Variants in EPS15 observed in about 807,000 individuals in gnomAD.
The protein encoded by EPS15 is epidermal growth factor receptor substrate 15.
Under a neutral mutation model 113.8 loss-of-function variants are expected in EPS15, and 72 were observed. That is an observed-to-expected ratio of 0.63 (90% CI 0.52 to 0.77). The LOEUF (loss-of-function observed/expected upper bound fraction) is 0.77, where lower values mean the gene tolerates loss of function less well. Among genes scored for constraint, EPS15 ranks in the 30% least tolerant of loss-of-function variants. The probability of loss-of-function intolerance (pLI) is 0.00; values close to 1 mark genes in which losing one functional copy is unlikely to be tolerated. For missense variants in EPS15, 1,048 were observed against 1,045.8 expected (o/e 1.00, Z -0.03); for synonymous variants, 344 against 363.4 (o/e 0.95, Z 0.61).
In EPS15 at chr1:51,355,232, AG is replaced by A; in HGVS notation, c.*1467del. Reference sequence around the variant, plus strand: ...AAACAAAACAAGCACCATTTCAAGAAGAAATGAATTGGATATTTTGGAATTT... The same window carrying A: ...AAACAAAACAAGCACCATTTCAAGAAAAATGAATTGGATATTTTGGAATTT... On this transcript the variant is annotated 3_prime_UTR_variant, in exon 25 of 25. Coordinates refer to ENST00000371733, the MANE Select transcript of EPS15 (RefSeq NM_001981.3). The A allele has an allele frequency of 4.5e-6, 1 of 220,330 alleles. No homozygotes were observed. The highest frequency in any genetic ancestry group is 9.1e-6 in the Non-Finnish European group (1 of 109,640). The allele number at this position is 220,330 out of a possible 1,614,324, so 13.6% of individuals were successfully genotyped here.
chr1:51,419,079 C>T (rs933012994), intron 13 of EPS15, among the ~76,000 whole-genome samples: 2 of 152,090 alleles, frequency 1.3e-5, no homozygotes, highest in Non-Finnish European at 2.9e-5. Flanking sequence ...ACTTTCTCCC[C>T]TTATGAAAAA....
At chr1:51,468,341 G>T in intron 5 of EPS15, 132 bp downstream of exon 5, 1 of 698,442 alleles carries the variant, frequency 1.4e-6, no homozygotes, top group Non-Finnish European at 2.6e-6. Context: ...GCCAGTAGGG[G>T]GAAAAAAGCC....
At chr1:51,496,358 G>A (rs955656051) in intron 1 of EPS15, among the ~76,000 whole-genome samples, 5 of 152,078 alleles carry the variant, frequency 3.3e-5, no homozygotes, top group Non-Finnish European at 7.4e-5. Flanking sequence ...TCTTTCATAT[G>A]AATTGTAACA....
At chr1:51,383,198 C>T (rs12092443) in intron 21 of EPS15, among the ~76,000 whole-genome samples, 9,614 of 152,212 alleles carry the variant, frequency 0.063, 963 homozygotes, top group African/African-American at 0.21. Context: ...GATAAAAACA[C>T]TCAACAAGCT....
chr1:51,492,810 C>T lies in EPS15; in HGVS notation c.34-11496G>A, dbSNP rs566431832. Among the ~76,000 whole-genome samples the T allele has an allele frequency of 2.6e-5, 4 of 152,300 alleles. No individual in the cohort carries two copies. The East Asian group carries it at 5.8e-4, about 22-fold the overall frequency. On this transcript the variant is annotated intron_variant, in intron 1 of 24. Coordinates refer to ENST00000371733, the MANE Select transcript of EPS15 (RefSeq NM_001981.3). ...AAAATCCTCTCACCTCCTTTGTAGC[C>T]CCTCAAATGGCAGCTGTCAGGTTTT...
chr1:51,436,449 T>C (rs1652158852), intron 12 of EPS15, among the ~76,000 whole-genome samples: 1 of 152,168 alleles, frequency 6.6e-6, no homozygotes, highest in African/African-American at 2.4e-5. Flanking sequence ...AAAAATTATT[T>C]TCTCATCTAT....
At chr1:51,473,870 T>C (rs1346424089) in intron 2 of EPS15, among the ~76,000 whole-genome samples, 1 of 152,190 alleles carries the variant, frequency 6.6e-6, no homozygotes, top group Non-Finnish European at 1.5e-5. Context: ...GGAAAAATCA[T>C]GCACTCAGCA....
rs536556029 is a variant in EPS15 at position 51,374,865 on chromosome 1, A to C, written c.2120-8836T>G. On this transcript the variant is annotated intron_variant, in intron 21 of 24. Transcript: ENST00000371733. Reference sequence around the variant, plus strand: ...ATTACAGGTGCATGCCACCATGCCCAGCTAATTTTTGAATTTTTAGTAGCC... The same window carrying C: ...ATTACAGGTGCATGCCACCATGCCCCGCTAATTTTTGAATTTTTAGTAGCC... Among the ~76,000 whole-genome samples, 590 of 150,992 alleles carry C rather than the reference A, an allele frequency of 3.9e-3. 2 individuals are homozygous for C. Among genetic ancestry groups the C allele is most frequent in the Non-Finnish European group, 7.1e-3 (484 of 67,700 alleles).
At chr1:51,394,935 GTAAC>G (rs1647778772) in intron 20 of EPS15, among the ~76,000 whole-genome samples, 1 of 152,148 alleles carries the variant, frequency 6.6e-6, no homozygotes, top group Non-Finnish European at 1.5e-5. Flanking sequence ...ACAGCTTACT[GTAAC>G]CTCAAACTCC....
At chr1:51,485,216 T>G (rs960662127) in intron 1 of EPS15, among the ~76,000 whole-genome samples, 5 of 152,212 alleles carry the variant, frequency 3.3e-5, no homozygotes, top group Admixed American at 6.5e-5. Context: ...ACTGTTAAAT[T>G]TTTAAGGATA....
At chr1:51,435,144 G>C (rs1326987743) in intron 12 of EPS15, among the ~76,000 whole-genome samples, 2 of 151,160 alleles carry the variant, frequency 1.3e-5, no homozygotes, top group African/African-American at 4.8e-5. Context: ...GTTCCTGTGA[G>C]GATTCAAAAA....
At chr1:51,468,767 G>A (rs976848116) in intron 4 of EPS15, among the ~76,000 whole-genome samples, 199 bp from the exon 5 acceptor site, 1 of 151,818 alleles carries the variant, frequency 6.6e-6, no homozygotes, top group African/African-American at 2.4e-5. Context: ...TTTATGAATC[G>A]CTAATAATAA....
chr1:51,409,630 C>A lies in EPS15; in HGVS notation c.1180G>T (p.Val394Leu). The change falls in exon 14 of 25, where the codon GTA (valine) becomes TTA (leucine). Residue 394 changes from valine (V) to leucine (L), a missense_variant. By Grantham distance (32) the Val-to-Leu change is conservative. Transcript: ENST00000371733. ...TCCAGTTCATCAAGGAGTTCCTGTA[C>A]CTGCTGTTTCTGGGCCTGTAGTTTT... ...LQKLQAQKQQ[V>L]QELLDELDEQ... 6.2e-7 allele frequency: 1 copy of A among 1,613,626 alleles called. No homozygotes were observed. The highest frequency in any genetic ancestry group is 8.5e-7 in the Non-Finnish European group (1 of 1,179,640).
Position 51,356,094 on chromosome 1 carries a change from G to A in EPS15, c.*606C>T, listed in dbSNP as rs190840506. On this transcript the variant is annotated 3_prime_UTR_variant, in exon 25 of 25. Coordinates refer to ENST00000371733, the MANE Select transcript of EPS15 (RefSeq NM_001981.3). ...TAATATTTTTAGTTAGGAAAAGATC[G>A]AATCTGAGGCTATAATGGTTCAACC... The A allele has an allele frequency of 1.5e-5, 3 of 204,154 alleles. No homozygotes were observed. The highest frequency in any genetic ancestry group is 2.3e-5 in the African/African-American group (1 of 43,760). The allele number at this position is 204,154 out of a possible 1,614,324, so 12.6% of individuals were successfully genotyped here.
intron 13 of EPS15, among the ~76,000 whole-genome samples, chr1:51,416,159 T>A (rs913435682): frequency 1.3e-5 from 2 of 152,130 alleles, no homozygotes; most frequent in African/African-American, 4.8e-5. Context: ...TAACAAACAG[T>A]GTCTTCTGCT....
chr1:51,514,317 C>T (rs1486472919), intron 1 of EPS15, among the ~76,000 whole-genome samples: 3 of 152,138 alleles, frequency 2.0e-5, no homozygotes, highest in Admixed American at 1.3e-4. Flanking sequence ...CTCCAACTAA[C>T]CAGATCTCTC....
rs775990741 is a variant in EPS15, at chr1:51,408,168, C to A, written c.1440G>T (p.Gln480His). 4.3e-6 allele frequency: 7 copies of A among 1,613,996 alleles called. No individual in the cohort carries two copies. The highest frequency in any genetic ancestry group is 5.9e-6 in the Non-Finnish European group (7 of 1,179,984). The change falls in exon 15 of 25, where the codon CAG (glutamine) becomes CAT (histidine). Residue 480 changes from glutamine (Q) to histidine (H), a missense_variant. By Grantham distance (24) the Gln-to-His change is conservative (BLOSUM62 0). Coordinates refer to ENST00000371733, the MANE Select transcript of EPS15 (RefSeq NM_001981.3). ...SGKAQLEPLQ[Q>H]HLQDSQQEIS... Reference sequence around the variant, plus strand: ...TTTCCTGTTGTGAATCTTGTAGGTGCTGCTGAAGAGGTTCCAACTGAGCCT... The same window carrying A: ...TTTCCTGTTGTGAATCTTGTAGGTGATGCTGAAGAGGTTCCAACTGAGCCT...
chr1:51,409,453 A>T, intron 14 of EPS15, 82 bp downstream of exon 14: 1 of 1,355,008 alleles, frequency 7.4e-7, no homozygotes, highest in Non-Finnish European at 1.0e-6. Flanking sequence ...ATCAATAACA[A>T]AAAGTAGAGA....
At chr1:51,415,341 G>C (rs1049936759) in intron 13 of EPS15, among the ~76,000 whole-genome samples, 1 of 151,996 alleles carries the variant, frequency 6.6e-6, no homozygotes, top group Non-Finnish European at 1.5e-5. Flanking sequence ...CTTAGCTTCA[G>C]TAAAAATCCA....
Sources: allele counts gnomAD v4.1 joint callset (sites outside exome capture counted in the v4.1 genomes callset), GRCh38; gene constraint gnomAD v4.1.1; transcripts MANE v1.5; gene names NCBI Gene and HGNC (gene_info 2026-07-23, HGNC 2026-07-21).